CDK14: variants seen among roughly 807,000 people sequenced by gnomAD.
The protein encoded by CDK14 is cyclin dependent kinase 14, also known as cyclin-dependent kinase 14.
CDK14 carries 34 observed loss-of-function variants against 60.7 expected under a neutral mutation model. The ratio of observed to expected loss-of-function variants is 0.56; its 90% CI spans 0.43 to 0.75. The LOEUF is 0.75. Ranked by LOEUF, CDK14 falls within the 30% of genes least tolerant of loss-of-function variation. The pLI, the probability that CDK14 is intolerant of heterozygous loss-of-function variation, is 0.00. For missense variants in CDK14, 482 were observed against 564.1 expected (o/e 0.85, Z 1.47); for synonymous variants, 197 against 203.7 (o/e 0.97, Z 0.28).
chr7:91,169,063 G>T lies in CDK14; in HGVS notation c.*29-38102G>T, dbSNP rs149069655. 5.2e-4 allele frequency among the ~76,000 whole-genome samples: 79 copies of T among 152,276 alleles called. 1 individual carries two copies. In the East Asian group the frequency reaches 0.013, roughly 26 times the overall value. ...GCTCCTACTCTTCGTTCATCTTGTG[G>T]ATAATAAATCCATCCATTTAAAGAC... On this transcript the variant is annotated intron_variant, in intron 14 of 14. Coordinates refer to ENST00000380050, the MANE Select transcript of CDK14 (RefSeq NM_001287135.2).
At chr7:90,942,961 T>C (rs1793979914) in intron 8 of CDK14, among the ~76,000 whole-genome samples, 1 of 152,178 alleles carries the variant, frequency 6.6e-6, no homozygotes, top group East Asian at 1.9e-4. Context: ...AGTATTTTTA[T>C]ACTTCTGCCT....
intron 10 of CDK14, among the ~76,000 whole-genome samples, chr7:91,032,954 T>C (rs1796805585): frequency 6.6e-6 from 1 of 152,254 alleles, no homozygotes; most frequent in Non-Finnish European, 1.5e-5. Flanking sequence ...CTGAAATGAA[T>C]ATTTAAATTA....
chr7:90,615,368 C>G (rs148282464), intron 2 of CDK14, among the ~76,000 whole-genome samples: 13 of 152,268 alleles, frequency 8.5e-5, no homozygotes, highest in Admixed American at 2.6e-4. Context: ...TGTGTTTTCT[C>G]AGTCTCTGAC....
At chr7:90,786,356 G>A (rs992167203) in intron 4 of CDK14, among the ~76,000 whole-genome samples, 3 of 152,044 alleles carry the variant, frequency 2.0e-5, no homozygotes, top group African/African-American at 7.2e-5. Context: ...AATAAGACTT[G>A]TTGAAGAGGG....
chr7:90,942,376 G>A (rs1793961841), intron 8 of CDK14, among the ~76,000 whole-genome samples: 1 of 152,130 alleles, frequency 6.6e-6, no homozygotes, highest in Admixed American at 6.5e-5. Context: ...AGAAATCAGA[G>A]GCACAGTTGA....
At chr7:90,655,168 T>C (rs1800726366) in intron 2 of CDK14, among the ~76,000 whole-genome samples, 1 of 152,222 alleles carries the variant, frequency 6.6e-6, no homozygotes, top group Admixed American at 6.5e-5. Context: ...GACAGCTCAT[T>C]TCATTTTATC....
At chr7:91,129,690 TATTA>T (rs1156743885) in intron 14 of CDK14, among the ~76,000 whole-genome samples, 1 of 152,172 alleles carries the variant, frequency 6.6e-6, no homozygotes, top group Admixed American at 6.6e-5. Context: ...AAAAAACCAG[TATTA>T]ATTTGTTGAT....
chr7:90,777,358 C>A, intron 4 of CDK14, among the ~76,000 whole-genome samples: 1 of 152,142 alleles, frequency 6.6e-6, no homozygotes, highest in East Asian at 1.9e-4. Flanking sequence ...AGTTGAAAAA[C>A]TTTTGAATGT....
chr7:90,996,149 T>A (rs1345677011), intron 10 of CDK14, among the ~76,000 whole-genome samples: 1 of 152,186 alleles, frequency 6.6e-6, no homozygotes, highest in Non-Finnish European at 1.5e-5. Context: ...TAGTATCAGG[T>A]GACTATTATT....
intron 5 of CDK14, among the ~76,000 whole-genome samples, chr7:90,801,302 A>G (rs1788623630): frequency 6.6e-6 from 1 of 152,222 alleles, no homozygotes; most frequent in Non-Finnish European, 1.5e-5. Flanking sequence ...ACAATGAATG[A>G]ATATAGATAA....
intron 2 of CDK14, among the ~76,000 whole-genome samples, chr7:90,641,191 G>A (rs17865501): frequency 0.014 from 2,204 of 152,084 alleles, 26 homozygotes; most frequent in Non-Finnish European, 0.022. Context: ...ACTGCAAAAT[G>A]ATTCACCTGC....
chr7:90,795,343 T>C (rs1174735800), intron 5 of CDK14, among the ~76,000 whole-genome samples: 1 of 152,128 alleles, frequency 6.6e-6, no homozygotes, highest in African/African-American at 2.4e-5. Flanking sequence ...TGTACATAGA[T>C]GTGAGCACCA....
In CDK14 at chr7:90,711,450, A is replaced by G. The variant is rs191364802; in HGVS notation, c.124-15117A>G. On this transcript the variant is annotated intron_variant, in intron 2 of 14. Coordinates refer to ENST00000380050, the MANE Select transcript of CDK14 (RefSeq NM_001287135.2). ...TGAGAATCTTGTGTTTTAGCTATTC[A>G]TATTTTTACCTTTACTTTGTGTGAG... 7.2e-4 allele frequency among the ~76,000 whole-genome samples: 109 copies of G among 151,318 alleles called. No individual in the cohort carries two copies. The East Asian group carries it at 0.019, about 26-fold the overall frequency.
At chr7:90,987,044 A>G (rs1368450991) in intron 10 of CDK14, among the ~76,000 whole-genome samples, 3 of 152,018 alleles carry the variant, frequency 2.0e-5, no homozygotes, top group African/African-American at 7.2e-5. Flanking sequence ...CAGCAACAGA[A>G]CAAAAAGGTG....
chr7:90,635,355 T>A (rs1800116222), intron 2 of CDK14, among the ~76,000 whole-genome samples: 1 of 152,260 alleles, frequency 6.6e-6, no homozygotes, highest in Non-Finnish European at 1.5e-5. Flanking sequence ...TACAGATGGC[T>A]AGCCAGTTTT....
intron 11 of CDK14, among the ~76,000 whole-genome samples, chr7:91,052,313 C>G (rs192523993): frequency 1.3e-4 from 20 of 152,290 alleles, no homozygotes; most frequent in African/African-American, 4.6e-4. Flanking sequence ...GGTCTCACTT[C>G]CTGAGTGTGT....
chr7:90,859,907 G>A (rs1040082661), intron 5 of CDK14, among the ~76,000 whole-genome samples: 4 of 151,882 alleles, frequency 2.6e-5, no homozygotes, highest in African/African-American at 9.7e-5. Flanking sequence ...ATTACTACAA[G>A]TTATTGATAG....
chr7:91,123,293 A>G (rs1170870584), intron 14 of CDK14, among the ~76,000 whole-genome samples: 1 of 152,034 alleles, frequency 6.6e-6, no homozygotes, highest in South Asian at 2.1e-4. Flanking sequence ...TCCTGCAAAA[A>G]CTGCCATTTT....
At chr7:90,909,649 G>A (rs1792827068) in intron 7 of CDK14, among the ~76,000 whole-genome samples, 1 of 152,012 alleles carries the variant, frequency 6.6e-6, no homozygotes, top group Admixed American at 6.6e-5. Context: ...ACCTTGCTTG[G>A]TATCCACCAT....
Sources: allele counts gnomAD v4.1 joint callset (sites outside exome capture counted in the v4.1 genomes callset), GRCh38; gene constraint gnomAD v4.1.1; transcripts MANE v1.5; gene names NCBI Gene and HGNC (gene_info 2026-07-23, HGNC 2026-07-21).